Variants in KCTD9 observed in about 807,000 individuals in gnomAD.
The protein encoded by KCTD9 is BTB/POZ domain-containing protein KCTD9.
Under a neutral mutation model 53.3 loss-of-function variants are expected in KCTD9, and 17 were observed. The ratio of observed to expected loss-of-function variants is 0.32; its 90% CI spans 0.22 to 0.48. The LOEUF (loss-of-function observed/expected upper bound fraction) is 0.48. Among genes scored for constraint, KCTD9 ranks in the 20% least tolerant of loss-of-function variants. The probability of loss-of-function intolerance (pLI) is 0.99; values close to 1 mark genes in which losing one functional copy is unlikely to be tolerated. For missense variants in KCTD9, 179 were observed against 465.5 expected (o/e 0.38, Z 5.66); for synonymous variants, 128 against 162.7 (o/e 0.79, Z 1.62).
chr8:25,446,313 A>G, intron 1 of KCTD9, 63 bp from the exon 2 acceptor site: 1 of 1,563,446 alleles, frequency 6.4e-7, no homozygotes, highest in East Asian at 2.3e-5. Context: ...CATAAGTTAT[A>G]AACTACCACA....
At chr8:25,444,448 A>T in intron 2 of KCTD9, 113 bp from the exon 3 acceptor site, 1 of 938,924 alleles carries the variant, frequency 1.1e-6, no homozygotes, top group Non-Finnish European at 1.6e-6. Context: ...TTTTGCTATC[A>T]ATCTAGACTG....
At position 25,444,298 on chromosome 8, in the gene KCTD9, A is replaced by G. The variant is rs748436960; in HGVS notation, c.208T>C (p.Phe70Leu). 1.2e-5 allele frequency: 19 copies of G among 1,605,812 alleles called. No individual in the cohort carries two copies. Among genetic ancestry groups the G allele is most frequent in the Non-Finnish European group, 3.4e-6 (4 of 1,177,228 alleles). ...GGCTTTTAAAGTCACTTACCAATAA[A>G]TGGCTCTCCTTCACAAACAAACAAA... ...DVLFVCEGEPFIDPQTDSKPP... is the reference protein window; with the variant it reads ...DVLFVCEGEPLIDPQTDSKPP... The change falls in exon 3 of 12, where the codon TTT becomes CTT. Residue 70 changes from phenylalanine (F) to leucine (L), a missense_variant. By Grantham distance (22) the Phe-to-Leu change is conservative. Coordinates refer to ENST00000221200, the MANE Select transcript of KCTD9 (RefSeq NM_017634.4).
chr8:25,432,538 A>C lies in KCTD9; in HGVS notation c.1019T>G (p.Leu340Arg). 6.2e-7 allele frequency: 1 copy of C among 1,612,816 alleles called. No individual in the cohort carries two copies. Among genetic ancestry groups the C allele is most frequent in the Non-Finnish European group, 8.5e-7 (1 of 1,179,778 alleles). Residue 340 changes from leucine (L) to arginine (R), a missense_variant, in exon 11 of 12, where the codon CTC becomes CGC. Leu to Arg is a moderately radical substitution (Grantham distance 102). Coordinates refer to ENST00000221200, the MANE Select transcript of KCTD9 (RefSeq NM_017634.4). ...LKNAKLKNCN[L>R]RGATLAGTDL... ...AGTTCCTGCCAGAGTTGCTCCTCTG[A>C]GGTTACAGTTCTTCAACTTTGCATT...
intron 1 of KCTD9, among the ~76,000 whole-genome samples, chr8:25,453,679 G>C (rs1435029431): frequency 6.6e-6 from 1 of 150,948 alleles, no homozygotes; most frequent in African/African-American, 2.4e-5. Context: ...AGGTAATTTA[G>C]TTATGCATAT....
chr8:25,439,435 C>T, intron 5 of KCTD9, 28 bp from the exon 6 acceptor site: 4 of 1,578,094 alleles, frequency 2.5e-6, no homozygotes, highest in Non-Finnish European at 3.4e-6. Flanking sequence ...TAAAGAAAGT[C>T]CCCCATAAAC....
chr8:25,438,583 A>G (rs189380778), intron 6 of KCTD9, among the ~76,000 whole-genome samples: 1 of 152,348 alleles, frequency 6.6e-6, no homozygotes, highest in African/African-American at 2.4e-5. Flanking sequence ...CAGGCATGTG[A>G]CCTCAAGATT....
In KCTD9 at chr8:25,429,550, A is replaced by G. The variant is rs551001908; in HGVS notation, c.*307T>C. On this transcript the variant is annotated 3_prime_UTR_variant, in exon 12 of 12. Transcript: ENST00000221200. ...GTATTTCCACATCATGCCTATTTAA[A>G]AGCAAATATAATAGATACTATGCCT... 3.2e-5 allele frequency: 6 copies of G among 184,662 alleles called. No individual in the cohort carries two copies. Among genetic ancestry groups the G allele is most frequent in the African/African-American group, 1.4e-4 (6 of 42,496 alleles). 11.4% of individuals were successfully genotyped at this position (184,662 alleles called of 1,614,324 possible). A position where few individuals can be genotyped will look rare whatever the true frequency, so the allele number is the denominator to read the frequency against.
At chr8:25,453,718 C>A (rs147819495) in intron 1 of KCTD9, among the ~76,000 whole-genome samples, 5 of 151,350 alleles carry the variant, frequency 3.3e-5, no homozygotes, top group South Asian at 4.2e-4. Flanking sequence ...TAAAAACACA[C>A]GGCAAAGAGA....
chr8:25,458,182 C>CA lies in KCTD9; in HGVS notation c.48+16_48+17insT. On this transcript the variant is annotated intron_variant, in intron 1 of 11. Transcript: ENST00000221200. ...CCCCGACCCCCGGCCCGCCGCGCCC[C>CA]CTCACGCCCCCGTTACCTTTCCGTT... is the stretch of plus-strand genomic sequence containing the variant. 1 of 1,595,454 alleles carries CA rather than the reference C, an allele frequency of 6.3e-7. No homozygotes were observed. The highest frequency in any genetic ancestry group is 8.6e-7 in the Non-Finnish European group (1 of 1,169,472).
intron 1 of KCTD9, among the ~76,000 whole-genome samples, chr8:25,452,526 A>G (rs11995050): frequency 3.3e-5 from 5 of 152,056 alleles, no homozygotes; most frequent in Non-Finnish European, 7.4e-5. Context: ...AAAAATGTAC[A>G]TTCCTACCCC....
chr8:25,454,975 T>C (rs1563251300), intron 1 of KCTD9, among the ~76,000 whole-genome samples: 2 of 152,110 alleles, frequency 1.3e-5, no homozygotes, highest in Non-Finnish European at 2.9e-5. Context: ...CCTGTAATCC[T>C]AGCACTTTGG....
intron 5 of KCTD9, 51 bp downstream of exon 5, chr8:25,439,555 A>G (rs746304695): frequency 1.9e-6 from 3 of 1,601,504 alleles, no homozygotes; most frequent in Non-Finnish European, 2.6e-6. Flanking sequence ...TAAAGTCAGC[A>G]CAGATATAAA....
chr8:25,437,456 CTT>C (rs1489004742), intron 6 of KCTD9, among the ~76,000 whole-genome samples: 33 of 152,066 alleles, frequency 2.2e-4, no homozygotes, highest in Admixed American at 8.5e-4. Flanking sequence ...GGGTAGATCA[CTT>C]GAGGTCAGGA....
chr8:25,437,634 C>T (rs1233155711), intron 6 of KCTD9, among the ~76,000 whole-genome samples: 9 of 151,734 alleles, frequency 5.9e-5, no homozygotes, highest in African/African-American at 2.2e-4. Context: ...GCCGAGATCG[C>T]GCCACTGCAC....
At chr8:25,434,852 T>C (rs1801990222) in intron 9 of KCTD9, among the ~76,000 whole-genome samples, 1 of 152,192 alleles carries the variant, frequency 6.6e-6, no homozygotes, top group African/African-American at 2.4e-5. Context: ...ATAACTGTTA[T>C]AAATACATAC....
At chr8:25,451,404 T>C (rs1802317253) in intron 1 of KCTD9, 2 of 152,176 alleles carry the variant, frequency 1.3e-5, no homozygotes, top group Admixed American at 1.3e-4. Flanking sequence ...TATACTAAGA[T>C]TGTTTTTGTC....
intron 6 of KCTD9, among the ~76,000 whole-genome samples, chr8:25,438,562 G>A (rs1436695057): frequency 6.6e-6 from 1 of 152,208 alleles, no homozygotes; most frequent in Non-Finnish European, 1.5e-5. Flanking sequence ...GCAATGATCT[G>A]CTGAAGCTGA....
rs539729479 is a variant in KCTD9, at chr8:25,448,717, C to T, written c.49-2467G>A. On this transcript the variant is annotated intron_variant, in intron 1 of 11. Coordinates refer to ENST00000221200, the MANE Select transcript of KCTD9 (RefSeq NM_017634.4). The stretch of plus-strand genomic sequence containing the variant: ...ATTGCTTAAGCTCAGGAGTTCGAGA[C>T]CAGCTTGGGCAACACAGTGAAACCC... Among the ~76,000 whole-genome samples, 20 of 152,042 alleles carry T rather than the reference C, an allele frequency of 1.3e-4. No individual in the cohort carries two copies. The East Asian group carries it at 3.3e-3, about 25-fold the overall frequency.
rs548416158 is a variant in KCTD9, at chr8:25,458,167, C to T, written c.48+32G>A. The T allele has an allele frequency of 1.3e-4, 206 of 1,540,250 alleles. 4 individuals are homozygous for T. In the East Asian group the frequency reaches 4.6e-3, roughly 35 times the overall value. ...CACCGTCCGCCCTCGCCCCGACCCC[C>T]GGCCCGCCGCGCCCCCTCACGCCCC... On this transcript the variant is annotated intron_variant, in intron 1 of 11. Transcript: ENST00000221200.
Sources: allele counts gnomAD v4.1 joint callset (sites outside exome capture counted in the v4.1 genomes callset), GRCh38; gene constraint gnomAD v4.1.1; transcripts MANE v1.5; gene names NCBI Gene and HGNC (gene_info 2026-07-23, HGNC 2026-07-21).